KCNIP4: variants seen among roughly 807,000 people sequenced by gnomAD.
The protein encoded by KCNIP4 is potassium voltage-gated channel interacting protein 4, also known as Kv channel-interacting protein 4.
Under a neutral mutation model 34.0 loss-of-function variants are expected in KCNIP4, and 12 were observed. The observed-to-expected ratio is 0.35, with a 90% confidence interval of 0.23 to 0.57. The LOEUF (loss-of-function observed/expected upper bound fraction) is 0.57, where lower values mean the gene tolerates loss of function less well. Among genes scored for constraint, KCNIP4 ranks in the 20% least tolerant of loss-of-function variants. KCNIP4 has a pLI of 0.83. For missense variants in KCNIP4, 238 were observed against 311.7 expected (o/e 0.76, Z 1.78); for synonymous variants, 124 against 102.2 (o/e 1.21, Z -1.29).
intron 1 of KCNIP4, among the ~76,000 whole-genome samples, chr4:21,812,552 G>A (rs984711740): frequency 6.6e-6 from 1 of 152,168 alleles, no homozygotes; most frequent in African/African-American, 2.4e-5. Context: ...GCATCCATAA[G>A]AGTTGTTTAG....
intron 1 of KCNIP4, among the ~76,000 whole-genome samples, chr4:21,191,873 G>T (rs1755671553): frequency 6.6e-6 from 1 of 152,178 alleles, no homozygotes; most frequent in Non-Finnish European, 1.5e-5. Context: ...ATGAATGGCA[G>T]AGATCCTTGT....
At chr4:21,587,312 A>T (rs1741704214) in intron 1 of KCNIP4, among the ~76,000 whole-genome samples, 1 of 152,164 alleles carries the variant, frequency 6.6e-6, no homozygotes, top group South Asian at 2.1e-4. Flanking sequence ...CTATCTCCTG[A>T]AGCTACTGGA....
chr4:21,914,136 T>C (rs765787196), intron 1 of KCNIP4, among the ~76,000 whole-genome samples: 6 of 152,106 alleles, frequency 3.9e-5, no homozygotes, highest in Admixed American at 2.0e-4. Flanking sequence ...GTGAATAAAT[T>C]AGAACTATCA....
At chr4:21,822,200 T>A (rs1473012783) in intron 1 of KCNIP4, among the ~76,000 whole-genome samples, 1 of 152,192 alleles carries the variant, frequency 6.6e-6, no homozygotes, top group Non-Finnish European at 1.5e-5. Context: ...ACAAATAATA[T>A]TTTCCATTTT....
intron 1 of KCNIP4, among the ~76,000 whole-genome samples, chr4:21,514,020 A>C (rs1734553887): frequency 6.6e-6 from 1 of 152,070 alleles, no homozygotes; most frequent in South Asian, 2.1e-4. Context: ...AGGTCCTTTC[A>C]ACAAAAGAGC....
intron 1 of KCNIP4, among the ~76,000 whole-genome samples, chr4:21,888,837 T>C (rs998760761): frequency 1.3e-5 from 2 of 152,208 alleles, no homozygotes; most frequent in Admixed American, 1.3e-4. Flanking sequence ...GCTTTTTTGG[T>C]CTTTGGCTTC....
chr4:20,783,289 A>C (rs1757023373), intron 3 of KCNIP4, among the ~76,000 whole-genome samples: 1 of 152,182 alleles, frequency 6.6e-6, no homozygotes, highest in Non-Finnish European at 1.5e-5. Flanking sequence ...CGTCACTTCC[A>C]CATTTTCAGG....
At chr4:21,809,433 C>T (rs2109266939) in intron 1 of KCNIP4, among the ~76,000 whole-genome samples, 1 of 152,326 alleles carries the variant, frequency 6.6e-6, no homozygotes, top group South Asian at 2.1e-4. Context: ...AGATGGCAGA[C>T]TGTGGAATTT....
chr4:21,123,087 G>T (rs535309015), intron 1 of KCNIP4, among the ~76,000 whole-genome samples: 1 of 152,010 alleles, frequency 6.6e-6, no homozygotes, highest in East Asian at 1.9e-4. Flanking sequence ...GGTGGCGGGC[G>T]CCTGTAGTCC....
At chr4:21,658,295 T>C (rs1265001108) in intron 1 of KCNIP4, among the ~76,000 whole-genome samples, 1 of 152,232 alleles carries the variant, frequency 6.6e-6, no homozygotes, top group Non-Finnish European at 1.5e-5. Flanking sequence ...GGTAAAATGA[T>C]TGTTTATCTA....
rs75583453 is a variant in KCNIP4 at position 21,012,873 on chromosome 4, C to T, written c.62-130164G>A. Among the ~76,000 whole-genome samples the T allele has an allele frequency of 9.7e-3, 1,478 of 152,244 alleles. 9 individuals carry two copies. Among genetic ancestry groups the T allele is most frequent in the Middle Eastern group, 0.037 (11 of 294 alleles). On this transcript the variant is annotated intron_variant, in intron 1 of 8. Transcript: ENST00000382152. ...AGTTGGCCATGATCTTAACAGGAAACGACAATGTAATATGCTAGCCCTTCT... is the reference window on the plus strand; with the variant it reads ...AGTTGGCCATGATCTTAACAGGAAATGACAATGTAATATGCTAGCCCTTCT...
At chr4:21,844,028 C>A (rs538410802) in intron 1 of KCNIP4, 32 of 152,068 alleles carry the variant, frequency 2.1e-4, no homozygotes, top group African/African-American at 6.0e-4. Context: ...TAAATGAGTT[C>A]TCACCACAGA....
chr4:21,351,743 C>T (rs1470013576), intron 1 of KCNIP4, among the ~76,000 whole-genome samples: 2 of 152,046 alleles, frequency 1.3e-5, no homozygotes, highest in Admixed American at 1.3e-4. Context: ...AGAGGTAAGA[C>T]CATTTGAAGA....
chr4:20,737,545 G>A (rs1027766705), intron 5 of KCNIP4, among the ~76,000 whole-genome samples: 4 of 152,168 alleles, frequency 2.6e-5, no homozygotes, highest in Non-Finnish European at 5.9e-5. Context: ...GAAGAACATG[G>A]TGTGGATGCC....
rs867069812 is a variant in KCNIP4, at chr4:21,697,167, C to T, written c.61+251404G>A. ...ACATCCATAGAAGTCAGTTCTACCC[C>T]CAAAAGAGCTGCACTGCACACATTT... On this transcript the variant is annotated intron_variant, in intron 1 of 8. Coordinates refer to ENST00000382152, the MANE Select transcript of KCNIP4 (RefSeq NM_025221.6). 4.6e-5 allele frequency among the ~76,000 whole-genome samples: 7 copies of T among 151,996 alleles called. No homozygotes were observed. The South Asian group carries it at 1.2e-3, about 27-fold the overall frequency.
intron 1 of KCNIP4, among the ~76,000 whole-genome samples, chr4:20,981,724 C>T (rs1416736743): frequency 6.6e-6 from 1 of 152,172 alleles, no homozygotes; most frequent in Non-Finnish European, 1.5e-5. Context: ...GGTCTTCCCT[C>T]ATGTATGGTG....
intron 1 of KCNIP4, among the ~76,000 whole-genome samples, chr4:21,924,074 T>TA (rs965391149): frequency 4.6e-5 from 7 of 152,166 alleles, no homozygotes; most frequent in Non-Finnish European, 1.0e-4. Context: ...CCAAAAATTA[T>TA]AGGTGTCAAT....
intron 1 of KCNIP4, among the ~76,000 whole-genome samples, chr4:20,964,948 G>A (rs1203404633): frequency 7.2e-5 from 11 of 151,892 alleles, no homozygotes; most frequent in Non-Finnish European, 1.5e-4. Context: ...AGTAGTGTAC[G>A]GGTTCAGGAA....
In KCNIP4 at chr4:21,546,458, C is replaced by T. The variant is rs569195131; in HGVS notation, c.61+402113G>A. Reference sequence around the variant, plus strand: ...GAGACCAAGACAGATAGATGTAATTCGAAGAGAGAGAAACAGAAACTAACT... The same window carrying T: ...GAGACCAAGACAGATAGATGTAATTTGAAGAGAGAGAAACAGAAACTAACT... On this transcript the variant is annotated intron_variant, in intron 1 of 8. Transcript: ENST00000382152. 5.9e-5 allele frequency among the ~76,000 whole-genome samples: 9 copies of T among 152,146 alleles called. No homozygotes were observed. In the South Asian group the frequency reaches 8.3e-4, roughly 14 times the overall value.
Sources: gnomAD v4.1 joint callset for allele counts (sites outside exome capture counted in the v4.1 genomes callset) on GRCh38, gnomAD v4.1.1 for gene constraint, MANE v1.5 for transcripts, NCBI Gene and HGNC (gene_info 2026-07-23, HGNC 2026-07-21) for gene names.